KCNH5: variants seen among roughly 807,000 people sequenced by gnomAD.
KCNH5 encodes voltage-gated delayed rectifier potassium channel KCNH5.
A neutral mutation model predicts 96.1 loss-of-function variants in KCNH5; 46 were observed. That is an observed-to-expected ratio of 0.48 (90% CI 0.38 to 0.61). The LOEUF is 0.61. Among genes scored for constraint, KCNH5 ranks in the 20% least tolerant of loss-of-function variants. The pLI, the probability that KCNH5 is intolerant of heterozygous loss-of-function variation, is 0.00. For missense variants in KCNH5, 907 were observed against 1,225.8 expected, an observed-to-expected ratio of 0.74 and a Z score of 3.88; for synonymous variants, 439 against 449.8, an observed-to-expected ratio of 0.98 and a Z score of 0.30.
At chr14:63,000,496 C>T (rs890396119) in intron 4 of KCNH5, among the ~76,000 whole-genome samples, 1 of 152,138 alleles carries the variant, frequency 6.6e-6, no homozygotes, top group South Asian at 2.1e-4. Flanking sequence ...GTCAATAAGA[C>T]TACAGTCAGA....
At chr14:62,749,271 G>T (rs1375388747) in intron 10 of KCNH5, among the ~76,000 whole-genome samples, 1 of 152,182 alleles carries the variant, frequency 6.6e-6, no homozygotes, top group Non-Finnish European at 1.5e-5. Flanking sequence ...GGAGTCGAAG[G>T]TCACTGATTG....
At chr14:62,807,308 CCTT>C (rs1451316351) in intron 8 of KCNH5, among the ~76,000 whole-genome samples, 22 of 152,140 alleles carry the variant, frequency 1.4e-4, no homozygotes, top group African/African-American at 5.3e-4. Flanking sequence ...ACTCTAGTAA[CCTT>C]CTGTCTTTCT....
chr14:62,751,413 T>A (rs956821173), intron 10 of KCNH5, among the ~76,000 whole-genome samples: 3 of 152,200 alleles, frequency 2.0e-5, no homozygotes, highest in Admixed American at 6.5e-5. Flanking sequence ...AAGGCTCCTC[T>A]AGAGATATGC....
intron 7 of KCNH5, among the ~76,000 whole-genome samples, chr14:62,861,464 T>C (rs1888030801): frequency 1.3e-5 from 2 of 152,122 alleles, no homozygotes; most frequent in Admixed American, 6.6e-5. Flanking sequence ...GGTCTTGCTA[T>C]GGTTCCCAGG....
At chr14:62,848,808 T>C (rs1013101714) in intron 8 of KCNH5, among the ~76,000 whole-genome samples, 1 of 152,110 alleles carries the variant, frequency 6.6e-6, no homozygotes, top group Non-Finnish European at 1.5e-5. Context: ...AGGAAAGTAT[T>C]ATGCCATCTA....
rs1019005070 is a variant in KCNH5 at position 62,707,577 on chromosome 14, T to C, written c.2898A>G (p.Pro966=). The C allele has an allele frequency of 1.7e-5, 26 of 1,515,250 alleles. No individual in the cohort carries two copies. The highest frequency in any genetic ancestry group is 2.2e-5 in the Non-Finnish European group (25 of 1,131,688). 93.9% of individuals were successfully genotyped at this position (1,515,250 alleles called of 1,614,324 possible). ...TTGAGACACTAAAAATATCCTGACATGGTATCTGGGGGGGTACTTGGAGTG... is the reference window on the plus strand; with the variant it reads ...TTGAGACACTAAAAATATCCTGACACGGTATCTGGGGGGGTACTTGGAGTG... ...QMPLQVPPQI[P]CQDIFSVSRP... Residue 966 remains proline (P), a synonymous_variant, in exon 11 of 11, where the codon CCA becomes CCG. Transcript: ENST00000322893.
intron 10 of KCNH5, among the ~76,000 whole-genome samples, chr14:62,713,932 T>C (rs189737611): frequency 6.6e-6 from 1 of 152,314 alleles, no homozygotes; most frequent in African/African-American, 2.4e-5. Context: ...ATGGTAATTA[T>C]TATACATTAC....
At chr14:62,969,524 G>A (rs551360654) in intron 6 of KCNH5, among the ~76,000 whole-genome samples, 16 of 151,988 alleles carry the variant, frequency 1.1e-4, no homozygotes, top group African/African-American at 3.4e-4. Context: ...CTCATAAGTC[G>A]GAGCTGAATA....
intron 4 of KCNH5, among the ~76,000 whole-genome samples, chr14:62,999,482 G>C (rs1262353062): frequency 1.3e-5 from 2 of 151,940 alleles, no homozygotes; most frequent in Admixed American, 6.6e-5. Flanking sequence ...AACAATGATA[G>C]ACTGGATTAA....
chr14:62,868,985 T>C (rs1888195302), intron 7 of KCNH5, among the ~76,000 whole-genome samples: 2 of 152,238 alleles, frequency 1.3e-5, no homozygotes, highest in South Asian at 4.1e-4. Context: ...TTAACAGTGC[T>C]GCAATAAACA....
At chr14:62,728,982 G>A (rs892240632) in intron 10 of KCNH5, among the ~76,000 whole-genome samples, 1 of 152,212 alleles carries the variant, frequency 6.6e-6, no homozygotes, top group African/African-American at 2.4e-5. Flanking sequence ...ACTAAGAGAT[G>A]AAAAGTTAAT....
chr14:62,863,174 G>A (rs981038438), intron 7 of KCNH5, among the ~76,000 whole-genome samples: 6 of 151,930 alleles, frequency 3.9e-5, no homozygotes, highest in African/African-American at 1.5e-4. Context: ...AATCTAATGA[G>A]GTCCTTACAT....
Position 62,708,103 on chromosome 14 carries a change from T to C in KCNH5, c.2372A>G (p.Asp791Gly), listed in dbSNP as rs548465461. ...GCTGTTGACTTTGAGACATTTTTGG[T>C]CAGCACCGCCGTTGGGCTTGAGTTC... Reference protein sequence around the residue: ...AMELKPNGGADQKCLKVNSPI... With the variant: ...AMELKPNGGAGQKCLKVNSPI... The change falls in exon 11 of 11, where the codon GAC (aspartate) becomes GGC (glycine). Residue 791 changes from aspartate (D) to glycine (G), a missense_variant. Physicochemically the swap from Asp to Gly is moderately conservative, Grantham distance 94. Coordinates refer to ENST00000322893, the MANE Select transcript of KCNH5 (RefSeq NM_139318.5). The C allele has an allele frequency of 1.2e-6, 2 of 1,614,238 alleles. No individual in the cohort carries two copies. Among genetic ancestry groups the C allele is most frequent in the East Asian group, 2.2e-5 (1 of 44,880 alleles).
At chr14:62,985,083 GA>G (rs1323433803) in intron 5 of KCNH5, among the ~76,000 whole-genome samples, 6 of 152,162 alleles carry the variant, frequency 3.9e-5, no homozygotes, top group Admixed American at 3.9e-4. Flanking sequence ...ACTTTAGGCA[GA>G]AGAGGAACTA....
chr14:62,859,516 T>C (rs2140055473), intron 7 of KCNH5, among the ~76,000 whole-genome samples: 1 of 152,272 alleles, frequency 6.6e-6, no homozygotes, highest in South Asian at 2.1e-4. Context: ...ATCTTCACAG[T>C]TTTTGACCAC....
At chr14:62,805,337 T>G (rs570428543) in intron 8 of KCNH5, among the ~76,000 whole-genome samples, 1 of 152,340 alleles carries the variant, frequency 6.6e-6, no homozygotes, top group African/African-American at 2.4e-5. Context: ...CTTTCCTTTT[T>G]TGTTTCACTT....
intron 8 of KCNH5, among the ~76,000 whole-genome samples, chr14:62,813,750 A>G (rs142862748): frequency 2.0e-5 from 3 of 152,222 alleles, no homozygotes; most frequent in Admixed American, 2.0e-4. Context: ...CAGTGGAGAG[A>G]GTCAGGCAAG....
intron 3 of KCNH5, 84 bp from the exon 4 acceptor site, chr14:63,001,543 T>C: frequency 1.5e-6 from 2 of 1,313,292 alleles, no homozygotes; most frequent in African/African-American, 1.5e-5. Flanking sequence ...TCCTTCTTCC[T>C]TCAGCTGCCA....
At chr14:62,945,542 C>T (rs374886807) in intron 7 of KCNH5, among the ~76,000 whole-genome samples, 15 of 152,156 alleles carry the variant, frequency 9.9e-5, no homozygotes, top group African/African-American at 2.6e-4. Flanking sequence ...ATACAAGAAA[C>T]GGACAGAGGC....
Sources: gnomAD v4.1 joint callset for allele counts (sites outside exome capture counted in the v4.1 genomes callset) on GRCh38, gnomAD v4.1.1 for gene constraint, MANE v1.5 for transcripts, NCBI Gene and HGNC (gene_info 2026-07-23, HGNC 2026-07-21) for gene names.